TRAPPC9: variants seen among roughly 807,000 people sequenced by gnomAD.
The protein encoded by TRAPPC9 is trafficking protein particle complex subunit 9, also known as IKK2 binding protein.
A neutral mutation model predicts 124.0 loss-of-function variants in TRAPPC9; 83 were observed. That is an observed-to-expected ratio of 0.67 (90% CI 0.56 to 0.80). The LOEUF (loss-of-function observed/expected upper bound fraction) is 0.80, where lower values mean the gene tolerates loss of function less well. Among genes scored for constraint, TRAPPC9 ranks in the 30% least tolerant of loss-of-function variants. TRAPPC9 has a pLI of 0.00. For synonymous variants in TRAPPC9, 638 were observed against 617.5 expected (o/e 1.03, Z -0.49); for missense variants, 1,302 against 1,508.3 (o/e 0.86, Z 2.27).
intron 17 of TRAPPC9, among the ~76,000 whole-genome samples, chr8:140,151,489 T>C (rs2061542799): frequency 6.6e-6 from 1 of 152,134 alleles, no homozygotes; most frequent in Non-Finnish European, 1.5e-5. Flanking sequence ...GAGGCCTCTC[T>C]CCTTGGCTTG....
At chr8:139,786,264 C>A (rs1822242206) in intron 21 of TRAPPC9, among the ~76,000 whole-genome samples, 1 of 152,108 alleles carries the variant, frequency 6.6e-6, no homozygotes, top group Non-Finnish European at 1.5e-5. Flanking sequence ...GATAGACGCC[C>A]TCCTAAGGAA....
At position 139,742,929 on chromosome 8, in the gene TRAPPC9, CCTCT is replaced by C. The variant is rs2130092604; in HGVS notation, c.3056-10731_3056-10728del. On this transcript the variant is annotated intron_variant, in intron 21 of 22. Coordinates refer to ENST00000438773, the MANE Select transcript of TRAPPC9 (RefSeq NM_001160372.4). This position sits in a 1 kb window ranked among gnomAD's most constrained non-coding sequence, Gnocchi z 4.7. The stretch of plus-strand genomic sequence containing the variant: ...GACTGCACCCTAGAGAGGCGGGTTT[CCTCT>C]GTCTAGGGTGGTGCTGAGCATGAGT... Among the ~76,000 whole-genome samples, 1 of 152,104 alleles carries C rather than the reference CCTCT, an allele frequency of 6.6e-6. No homozygotes were observed. Among genetic ancestry groups the C allele is most frequent in the Admixed American group, 6.5e-5 (1 of 15,292 alleles).
At chr8:139,982,977 T>A (rs987229141) in intron 19 of TRAPPC9, among the ~76,000 whole-genome samples, 11 of 152,222 alleles carry the variant, frequency 7.2e-5, no homozygotes, top group African/African-American at 2.7e-4. Context: ...CACGTCGTGC[T>A]GTAAATGAAT....
At chr8:140,441,992 C>T (rs1484635050) in intron 2 of TRAPPC9, among the ~76,000 whole-genome samples, 1 of 152,206 alleles carries the variant, frequency 6.6e-6, no homozygotes, top group East Asian at 1.9e-4. Flanking sequence ...CATGATTTTG[C>T]CACTGCTCTC....
chr8:140,394,997 G>C (rs2069047128), intron 7 of TRAPPC9, among the ~76,000 whole-genome samples: 1 of 152,324 alleles, frequency 6.6e-6, no homozygotes, highest in South Asian at 2.1e-4. Flanking sequence ...TGATCCAGCT[G>C]TTGGTTCATT....
chr8:139,735,054 G>A (rs1176552605), intron 21 of TRAPPC9, among the ~76,000 whole-genome samples: 2 of 152,212 alleles, frequency 1.3e-5, no homozygotes, highest in African/African-American at 4.8e-5. Flanking sequence ...GTGCCCCTGA[G>A]TACTTCCAGC....
intron 19 of TRAPPC9, among the ~76,000 whole-genome samples, chr8:139,928,987 C>G (rs543214206): frequency 6.6e-6 from 1 of 151,802 alleles, no homozygotes; most frequent in Non-Finnish European, 1.5e-5. Flanking sequence ...TTACGGGAGA[C>G]GTGTGCGTGG....
At chr8:140,106,937 A>T (rs1384843481) in intron 17 of TRAPPC9, among the ~76,000 whole-genome samples, 1 of 152,146 alleles carries the variant, frequency 6.6e-6, no homozygotes, top group Non-Finnish European at 1.5e-5. Context: ...AAACATTTGC[A>T]AACGTTTACA....
At chr8:140,114,790 G>A (rs1226533069) in intron 17 of TRAPPC9, among the ~76,000 whole-genome samples, 2 of 152,210 alleles carry the variant, frequency 1.3e-5, no homozygotes, top group Admixed American at 1.3e-4. Context: ...GTGAGAGGAA[G>A]GAAGTGAAAG....
At chr8:140,307,321 C>T (rs113827842) in intron 10 of TRAPPC9, among the ~76,000 whole-genome samples, 2 of 152,300 alleles carry the variant, frequency 1.3e-5, no homozygotes, top group African/African-American at 4.8e-5. Context: ...TGTTTGAGCC[C>T]TGACTCCAGC....
chr8:140,300,752 G>A (rs778139352), intron 10 of TRAPPC9, 138 bp from the exon 11 acceptor site: 113 of 1,003,350 alleles, frequency 1.1e-4, no homozygotes, highest in Admixed American at 2.0e-4. Flanking sequence ...AAAGCACTCC[G>A]AGGCATCAGG....
intron 8 of TRAPPC9, among the ~76,000 whole-genome samples, chr8:140,368,837 CAA>C (rs766428750): frequency 1.3e-5 from 2 of 152,100 alleles, no homozygotes; most frequent in Non-Finnish European, 2.9e-5. Flanking sequence ...CGCTTCAGCC[CAA>C]GAGTTTGAGG....
At chr8:140,336,194 G>A (rs76394096) in intron 9 of TRAPPC9, among the ~76,000 whole-genome samples, 14,127 of 152,034 alleles carry the variant, frequency 0.093, 853 homozygotes, top group Non-Finnish European at 0.14. Flanking sequence ...TGTGTGTCAC[G>A]TCCCTGAGGT....
intron 21 of TRAPPC9, among the ~76,000 whole-genome samples, chr8:139,885,154 A>C (rs1048772732): frequency 1.3e-5 from 2 of 152,234 alleles, no homozygotes; most frequent in Non-Finnish European, 2.9e-5. Context: ...TCCAAAATAG[A>C]TGAGCTGATT....
chr8:140,187,623 C>T (rs1219111875), intron 17 of TRAPPC9, among the ~76,000 whole-genome samples: 1 of 152,190 alleles, frequency 6.6e-6, no homozygotes, highest in African/African-American at 2.4e-5. Context: ...CCAGCACAAA[C>T]TCTGGAGCTA....
At chr8:139,747,958 T>TG (rs1332328629) in intron 21 of TRAPPC9, among the ~76,000 whole-genome samples, 13 of 49,422 alleles carry the variant, frequency 2.6e-4, no homozygotes, top group African/African-American at 4.3e-4. Flanking sequence ...TCAGAGCAGG[T>TG]GGGAGGTGTG....
At chr8:140,419,533 A>G (rs2070117260) in intron 5 of TRAPPC9, among the ~76,000 whole-genome samples, 1 of 151,852 alleles carries the variant, frequency 6.6e-6, no homozygotes, top group Non-Finnish European at 1.5e-5. Flanking sequence ...CACAGCTACC[A>G]TCATGCTTCA....
chr8:140,184,819 C>T (rs966845012), intron 17 of TRAPPC9, among the ~76,000 whole-genome samples: 3 of 152,142 alleles, frequency 2.0e-5, no homozygotes, highest in African/African-American at 7.2e-5. Flanking sequence ...ACAAAGCACA[C>T]ATCTAAATCC....
intron 1 of TRAPPC9, among the ~76,000 whole-genome samples, chr8:140,454,658 AAAC>A (rs1197549503): frequency 1.7e-4 from 25 of 148,676 alleles, no homozygotes; most frequent in African/African-American, 2.7e-4. Context: ...AAAAAAAAAA[AAAC>A]ACAACCTGAC....
Sources: gnomAD v4.1 joint callset for allele counts (sites outside exome capture counted in the v4.1 genomes callset) on GRCh38, gnomAD v4.1.1 for gene constraint, Gnocchi (gnomAD v3.1) non-coding constraint, MANE v1.5 for transcripts, NCBI Gene and HGNC (gene_info 2026-07-23, HGNC 2026-07-21) for gene names.